The following CNR2 variants were observed in gnomAD, a reference collection of about 807,000 sequenced individuals.
CNR2 encodes cannabinoid receptor 2, also known as cannabinoid receptor 2 (macrophage).
For missense variants in CNR2, 379 were observed against 439.9 expected (o/e 0.86, Z 1.24); for synonymous variants, 172 against 182.2 (o/e 0.94, Z 0.45).
chr1:23,881,303 TA>T (rs1557524431), intron 1 of CNR2, among the ~76,000 whole-genome samples: 1 of 150,616 alleles, frequency 6.6e-6, no homozygotes. Context: ...ATAATAATTT[TA>T]AAAAATTACT....
At chr1:23,910,122 ATTTT>A (rs34885370) in intron 1 of CNR2, among the ~76,000 whole-genome samples, 3 of 120,312 alleles carry the variant, frequency 2.5e-5, no homozygotes, top group African/African-American at 6.5e-5. Flanking sequence ...CTAATTTTTA[ATTTT>A]TTTTTTTTTT....
At chr1:23,905,190 CTTTT>C (rs1199647705) in intron 1 of CNR2, among the ~76,000 whole-genome samples, 1 of 143,196 alleles carries the variant, frequency 7.0e-6, no homozygotes, top group African/African-American at 2.6e-5. Flanking sequence ...TCTTTTCTTT[CTTTT>C]TTTTTTTTTG....
At chr1:23,912,079 C>T (rs749392335) in intron 1 of CNR2, among the ~76,000 whole-genome samples, 6 of 152,192 alleles carry the variant, frequency 3.9e-5, no homozygotes, top group African/African-American at 1.2e-4. Flanking sequence ...GCCCTGTGCC[C>T]GCATCAGACA....
chr1:23,882,102 T>G (rs1472304100), intron 1 of CNR2, among the ~76,000 whole-genome samples: 1 of 151,792 alleles, frequency 6.6e-6, no homozygotes, highest in Non-Finnish European at 1.5e-5. Flanking sequence ...TTTGTATTTT[T>G]AGTAGAGATG....
At chr1:23,895,653 C>T (rs1037120828) in intron 1 of CNR2, among the ~76,000 whole-genome samples, 4 of 152,108 alleles carry the variant, frequency 2.6e-5, no homozygotes, top group East Asian at 1.9e-4. Context: ...AGTACAGGTG[C>T]GCGCCACCAC....
At chr1:23,902,067 T>C (rs1488551351) in intron 1 of CNR2, 2 of 1,542,152 alleles carry the variant, frequency 1.3e-6, no homozygotes, top group Non-Finnish European at 1.8e-6. Context: ...CAAACTCCTC[T>C]AGGGTCATGG....
In CNR2 at chr1:23,874,624, C is replaced by A. The variant is rs200157579; in HGVS notation, c.994G>T (p.Ala332Ser). 7.6e-5 allele frequency: 122 copies of A among 1,614,022 alleles called. No homozygotes were observed. The highest frequency in any genetic ancestry group is 1.0e-4 in the Non-Finnish European group (118 of 1,180,038). ...RGLGSEAKEE[A>S]PRSSVTETEA... is the part of the protein sequence containing the mutation. ...GTCTCGGTGACTGAGGATCTCGGGG[C>A]TTCTTCTTTTGCCTCTGACCCAAGG... The change falls in exon 2 of 2, where the codon GCC becomes TCC. Residue 332 changes from alanine to serine, a missense_variant. Coordinates refer to ENST00000374472, the MANE Select transcript of CNR2 (RefSeq NM_001841.3).
Position 23,874,367 on chromosome 1 carries a change from G to T in CNR2, c.*168C>A, listed in dbSNP as rs6699937. ...AACAGACTGTGTGCAGGTGGGCAAGGCCAGGCTGTCTTCCAGGAGTCAGTC... is the reference window on the plus strand; with the variant it reads ...AACAGACTGTGTGCAGGTGGGCAAGTCCAGGCTGTCTTCCAGGAGTCAGTC... On this transcript the variant is annotated 3_prime_UTR_variant, in exon 2 of 2. Transcript: ENST00000374472. 6.1e-5 allele frequency: 45 copies of T among 736,846 alleles called. No individual in the cohort carries two copies. The highest frequency in any genetic ancestry group is 8.1e-4 in the Middle Eastern group (2 of 2,472). The allele number at this position is 736,846 out of a possible 1,614,324, so 45.6% of individuals were successfully genotyped here.
At chr1:23,876,316 C>T (rs955468365) in intron 1 of CNR2, among the ~76,000 whole-genome samples, 3 of 151,704 alleles carry the variant, frequency 2.0e-5, no homozygotes, top group Non-Finnish European at 2.9e-5. Context: ...AAGAGATTCT[C>T]CTGCCTCAGC....
At position 23,875,467 on chromosome 1, in the gene CNR2, T is replaced by C; in HGVS notation, c.151A>G (p.Asn51Asp). Residue 51 changes from asparagine to aspartate, a missense_variant, in exon 2 of 2, where the codon AAC (asparagine) becomes GAC (aspartate). Physicochemically the swap from Asn to Asp is conservative, Grantham distance 23 (BLOSUM62 1). Transcript: ENST00000374472. The part of the protein sequence containing the change: ...TLLGLLSALE[N>D]VAVLYLILSS... ...AGGATCAGATAGAGCACAGCCACGT[T>C]CTCCAGGGCACTTAGCAGGCCCAGA... is the stretch of plus-strand genomic sequence containing the variant. The C allele has an allele frequency of 6.2e-7, 1 of 1,614,142 alleles. No homozygotes were observed. Among genetic ancestry groups the C allele is most frequent in the Non-Finnish European group, 8.5e-7 (1 of 1,180,012 alleles).
In CNR2 at chr1:23,874,456, G is replaced by A. The variant is rs1639827386; in HGVS notation, c.*79C>T. The A allele has an allele frequency of 6.9e-7, 1 of 1,454,800 alleles. No homozygotes were observed. Among genetic ancestry groups the A allele is most frequent in the Non-Finnish European group, 9.3e-7 (1 of 1,077,180 alleles). The allele number at this position is 1,454,800 out of a possible 1,614,324, so 90.1% of individuals were successfully genotyped here. A position where few individuals can be genotyped will look rare whatever the true frequency, so the allele number is the denominator to read the frequency against. On this transcript the variant is annotated 3_prime_UTR_variant, in exon 2 of 2. Coordinates refer to ENST00000374472, the MANE Select transcript of CNR2 (RefSeq NM_001841.3). ...TCTGGGACTGGTTTAAGTAAGAAGA[G>A]AGTGCCAAGACCCCTCTCTCTCTTC...
chr1:23,901,609 GT>G, intron 1 of CNR2: 1 of 1,606,050 alleles, frequency 6.2e-7, no homozygotes, highest in Non-Finnish European at 8.5e-7. Context: ...AGTAGCTGAG[GT>G]TGCTGCCGTC....
At chr1:23,900,567 T>C (rs537983368) in intron 1 of CNR2, among the ~76,000 whole-genome samples, 1 of 147,358 alleles carries the variant, frequency 6.8e-6, no homozygotes, top group African/African-American at 2.5e-5. Flanking sequence ...GGTGCAATGG[T>C]GCAATCTCGG....
At chr1:23,902,688 G>T (rs1226068208) in intron 1 of CNR2, 14 of 1,593,392 alleles carry the variant, frequency 8.8e-6, no homozygotes, top group South Asian at 7.7e-5. Flanking sequence ...GTGCACGTCG[G>T]CCACGAGCTC....
At chr1:23,888,093 A>G (rs2501386) in intron 1 of CNR2, among the ~76,000 whole-genome samples, 128,554 of 152,202 alleles carry the variant, frequency 0.84, 54,398 homozygotes, top group Admixed American at 0.86. Context: ...CATAATGCCC[A>G]CCTCAAAATG....
At chr1:23,901,927 G>C (rs116164842) in intron 1 of CNR2, 61,555 of 1,603,350 alleles carry the variant, frequency 0.038, 1,357 homozygotes, top group Non-Finnish European at 0.045. Flanking sequence ...ACCTCTGCGG[G>C]GTGAGGCCCT....
chr1:23,903,061 AG>A (rs1158779427), intron 1 of CNR2, among the ~76,000 whole-genome samples: 3 of 133,750 alleles, frequency 2.2e-5, no homozygotes, highest in Non-Finnish European at 4.8e-5. Flanking sequence ...ATGGCAGGCC[AG>A]GGGCAGCACC....
intron 1 of CNR2, among the ~76,000 whole-genome samples, chr1:23,899,671 C>T (rs1300386871): frequency 2.0e-5 from 3 of 148,208 alleles, no homozygotes; most frequent in African/African-American, 7.5e-5. Flanking sequence ...AAAAGTTAGC[C>T]AGGTGTGGTG....
chr1:23,902,024 A>T, intron 1 of CNR2: 1 of 1,600,392 alleles, frequency 6.2e-7, no homozygotes, highest in Admixed American at 1.7e-5. Context: ...CAGAGTCAGG[A>T]TGTCTGGATG....
Sources: gnomAD v4.1 joint callset for allele counts (sites outside exome capture counted in the v4.1 genomes callset) on GRCh38, gnomAD v4.1.1 for gene constraint, MANE v1.5 for transcripts, NCBI Gene and HGNC (gene_info 2026-07-23, HGNC 2026-07-21) for gene names.